HINT3: variants seen among roughly 807,000 people sequenced by gnomAD.
HINT3 encodes the protein histidine triad nucleotide binding protein 3, also known as adenosine 5'-monophosphoramidase HINT3.
A neutral mutation model predicts 19.1 loss-of-function variants in HINT3; 16 were observed. That is an observed-to-expected ratio of 0.84 (90% CI 0.57 to 1.27). HINT3 has a LOEUF of 1.27. Among genes scored for constraint, HINT3 ranks in the 50% most tolerant of loss-of-function variants. HINT3 has a pLI of 0.00. For synonymous variants in HINT3, 75 were observed against 84.8 expected, an observed-to-expected ratio of 0.88 and a Z score of 0.63; for missense variants, 197 against 225.8, an observed-to-expected ratio of 0.87 and a Z score of 0.82.
rs78671740 is a variant in HINT3 at position 125,960,667 on chromosome 6, A to T, written c.201+3489A>T. On this transcript the variant is annotated intron_variant, in intron 1 of 4. Transcript: ENST00000229633. ...GCAAGACTCTCTCTGGGGGGGGGGAAAAAAAAAGAAGTTAGGGCAAGCAAG... is the reference window on the plus strand; with the variant it reads ...GCAAGACTCTCTCTGGGGGGGGGGATAAAAAAAGAAGTTAGGGCAAGCAAG... Among the ~76,000 whole-genome samples, 3 of 39,726 alleles carry T rather than the reference A, an allele frequency of 7.6e-5. 1 individual carries two copies. 26.1% of individuals were successfully genotyped at this position (39,726 alleles called of 152,430 possible). A position where few individuals can be genotyped will look rare whatever the true frequency, so the allele number is the denominator to read the frequency against.
chr6:125,958,884 G>A (rs1298312568), intron 1 of HINT3, among the ~76,000 whole-genome samples: 2 of 152,176 alleles, frequency 1.3e-5, no homozygotes, highest in Non-Finnish European at 2.9e-5. Flanking sequence ...AATGTCAGAA[G>A]TGCCAAGGTT....
intron 3 of HINT3, 29 bp from the exon 4 acceptor site, chr6:125,974,818 G>A (rs771971264): frequency 6.3e-7 from 1 of 1,598,952 alleles, no homozygotes; most frequent in Non-Finnish European, 8.5e-7. Context: ...GAACTGGTTT[G>A]TCAATCATCT....
Position 125,977,247 on chromosome 6 carries a change from G to A in HINT3, c.517-397G>A, listed in dbSNP as rs186481768. ...CTTTCCCCTCTAACTCCTGGCAACT[G>A]CTGATCTTTTTATTGTCTCCATAGT... On this transcript the variant is annotated intron_variant, in intron 4 of 4. Coordinates refer to ENST00000229633, the MANE Select transcript of HINT3 (RefSeq NM_138571.5). Among the ~76,000 whole-genome samples the A allele has an allele frequency of 3.3e-3, 504 of 152,192 alleles. 2 individuals carry two copies. The highest frequency in any genetic ancestry group is 5.8e-3 in the Non-Finnish European group (393 of 68,008).
chr6:125,968,304 G>A (rs768678579), intron 2 of HINT3, among the ~76,000 whole-genome samples: 2 of 152,218 alleles, frequency 1.3e-5, no homozygotes, highest in East Asian at 1.9e-4. Flanking sequence ...TAGAATAATC[G>A]CCACCAGCTG....
chr6:125,967,921 A>G (rs939941711), intron 2 of HINT3, among the ~76,000 whole-genome samples: 4 of 152,084 alleles, frequency 2.6e-5, no homozygotes, highest in African/African-American at 9.7e-5. Context: ...GTCACCTATC[A>G]TTTTCTAAGA....
intron 3 of HINT3, among the ~76,000 whole-genome samples, chr6:125,972,790 A>G (rs918929770): frequency 3.3e-5 from 5 of 151,770 alleles, no homozygotes; most frequent in Admixed American, 1.3e-4. Flanking sequence ...GGGTCTCCCT[A>G]TGTTGCCCAG....
intron 1 of HINT3, among the ~76,000 whole-genome samples, chr6:125,963,213 A>G (rs1274969257): frequency 6.6e-6 from 1 of 152,196 alleles, no homozygotes; most frequent in Non-Finnish European, 1.5e-5. Context: ...GCTTTTTCCC[A>G]ACAAAAAATA....
At position 125,958,271 on chromosome 6, in the gene HINT3, A is replaced by C. The variant is rs1287967140; in HGVS notation, c.201+1093A>C. Among the ~76,000 whole-genome samples the C allele has an allele frequency of 2.0e-5, 3 of 151,982 alleles. No individual in the cohort carries two copies. The East Asian group carries it at 5.8e-4, about 29-fold the overall frequency. On this transcript the variant is annotated intron_variant, in intron 1 of 4. Transcript: ENST00000229633. ...CAGAAATTGTCTAACTAGTGCATAG[A>C]GTTTGAGAGGATGAAAGGCGAGGCT...
At chr6:125,975,066 T>G in intron 4 of HINT3, 93 bp downstream of exon 4, 1 of 1,145,694 alleles carries the variant, frequency 8.7e-7, no homozygotes, top group Non-Finnish European at 1.3e-6. Flanking sequence ...CACTTACAGC[T>G]CTCATAGACT....
chr6:125,977,006 A>G (rs969184678), intron 4 of HINT3, among the ~76,000 whole-genome samples: 5 of 152,186 alleles, frequency 3.3e-5, no homozygotes, highest in Non-Finnish European at 2.9e-5. Flanking sequence ...TTTCCTCACT[A>G]TGACATCCTA....
rs546425243 is a variant in HINT3, at chr6:125,975,178, A to G, written c.516+205A>G. Among the ~76,000 whole-genome samples, 164 of 152,310 alleles carry G rather than the reference A, an allele frequency of 1.1e-3. 1 individual carries two copies. Among genetic ancestry groups the G allele is most frequent in the African/African-American group, 3.6e-3 (149 of 41,562 alleles). On this transcript the variant is annotated intron_variant, in intron 4 of 4. Transcript: ENST00000229633. ...GTCTGTAGGAAGAGAAGCTATGGCTAAATCTTCCCCATTGCAAGTAGCAGA... is the reference window on the plus strand; with the variant it reads ...GTCTGTAGGAAGAGAAGCTATGGCTGAATCTTCCCCATTGCAAGTAGCAGA...
chr6:125,959,391 G>A (rs1030061332), intron 1 of HINT3, among the ~76,000 whole-genome samples: 1 of 152,166 alleles, frequency 6.6e-6, no homozygotes, highest in Non-Finnish European at 1.5e-5. Context: ...AGAGAAGGGA[G>A]TATGTCAAAA....
intron 2 of HINT3, 147 bp from the exon 3 acceptor site, chr6:125,972,112 G>T: frequency 1.8e-6 from 1 of 566,386 alleles, no homozygotes; most frequent in Non-Finnish European, 3.1e-6. Flanking sequence ...CTCCCAAAGT[G>T]TTGGGATTAC....
At chr6:125,963,136 T>A (rs1788967605) in intron 1 of HINT3, among the ~76,000 whole-genome samples, 1 of 152,196 alleles carries the variant, frequency 6.6e-6, no homozygotes, top group African/African-American at 2.4e-5. Context: ...GGCGTCTATG[T>A]ATTTCCACCT....
rs1340882420 is a variant in HINT3 at position 125,956,949 on chromosome 6, G to A, written c.-29G>A. 1.9e-6 allele frequency: 3 copies of A among 1,545,788 alleles called. No individual in the cohort carries two copies. Among genetic ancestry groups the A allele is most frequent in the Non-Finnish European group, 2.6e-6 (3 of 1,144,566 alleles). ...CGGGCCCGGTAGCCCTGGAGAGGCCGAGGCTCTAGGCCGCGAGGGGCGGGT... is the reference window on the plus strand; with the variant it reads ...CGGGCCCGGTAGCCCTGGAGAGGCCAAGGCTCTAGGCCGCGAGGGGCGGGT... On this transcript the variant is annotated 5_prime_UTR_variant, in exon 1 of 5. Transcript: ENST00000229633.
Position 125,956,840 on chromosome 6 carries a change from C to T in HINT3, c.-138C>T, listed in dbSNP as rs1161479440. 6 of 935,532 alleles carry T rather than the reference C, an allele frequency of 6.4e-6. No individual in the cohort carries two copies. The African/African-American group carries it at 8.3e-5, about 13-fold the overall frequency. 58.0% of individuals were successfully genotyped at this position (935,532 alleles called of 1,614,324 possible). A position where few individuals can be genotyped will look rare whatever the true frequency, so the allele number is the denominator to read the frequency against. On this transcript the variant is annotated 5_prime_UTR_variant, in exon 1 of 5. Coordinates refer to ENST00000229633, the MANE Select transcript of HINT3 (RefSeq NM_138571.5). ...CCTCACCGCGTCTCCTTCCCTCTCC[C>T]CAAAGCCTGGATCACCGCCCAGCGT...
intron 1 of HINT3, among the ~76,000 whole-genome samples, chr6:125,961,958 A>G (rs1239997101): frequency 2.6e-5 from 4 of 151,662 alleles, no homozygotes; most frequent in Admixed American, 6.6e-5. Flanking sequence ...ATGACCCACA[A>G]TCAGAAAGGT....
intron 1 of HINT3, among the ~76,000 whole-genome samples, chr6:125,962,235 C>T (rs377067110): frequency 0.013 from 197 of 15,448 alleles, 15 homozygotes; most frequent in Non-Finnish European, 0.012. Flanking sequence ...TATATATATA[C>T]ACATATATAT....
At chr6:125,973,264 A>G (rs1316798795) in intron 3 of HINT3, among the ~76,000 whole-genome samples, 1 of 151,492 alleles carries the variant, frequency 6.6e-6, no homozygotes, top group African/African-American at 2.4e-5. Flanking sequence ...CTTATAGTAG[A>G]GACAGGGTTT....
Sources: allele counts gnomAD v4.1 joint callset (sites outside exome capture counted in the v4.1 genomes callset), GRCh38; gene constraint gnomAD v4.1.1; transcripts MANE v1.5; gene names NCBI Gene and HGNC (gene_info 2026-07-23, HGNC 2026-07-21).